The following CEP112 variants were observed in gnomAD, a reference collection of about 807,000 sequenced individuals.
The protein encoded by CEP112 is centrosomal protein 112.
Under a neutral mutation model 153.0 loss-of-function variants are expected in CEP112, and 127 were observed. The ratio of observed to expected loss-of-function variants is 0.83; its 90% CI spans 0.72 to 0.96. CEP112 has a LOEUF of 0.96. CEP112 is among the 40% of genes least tolerant of loss of function. The pLI is 0.00. For missense variants in CEP112, 1,089 were observed against 1,101.2 expected (o/e 0.99, Z 0.16); for synonymous variants, 358 against 374.4 (o/e 0.96, Z 0.51).
intron 16 of CEP112, among the ~76,000 whole-genome samples, chr17:66,013,037 T>C (rs1345959154): frequency 3.3e-5 from 5 of 152,254 alleles, no homozygotes; most frequent in African/African-American, 1.2e-4. Flanking sequence ...GATTGTATTC[T>C]GAAATTCGTG....
chr17:65,980,656 T>A (rs11870588), intron 17 of CEP112, among the ~76,000 whole-genome samples: 5,893 of 152,300 alleles, frequency 0.039, 162 homozygotes, highest in South Asian at 0.11. Context: ...CAATGTCACT[T>A]TGATCATATA....
At chr17:66,117,508 T>C (rs2069357360) in intron 6 of CEP112, among the ~76,000 whole-genome samples, 1 of 152,212 alleles carries the variant, frequency 6.6e-6, no homozygotes, top group African/African-American at 2.4e-5. Context: ...AAATTCCCTC[T>C]ATGCCTCTGT....
chr17:66,180,420 T>C lies in CEP112; in HGVS notation c.106+2774A>G, dbSNP rs527760847. Among the ~76,000 whole-genome samples, 14 of 152,286 alleles carry C rather than the reference T, an allele frequency of 9.2e-5. No homozygotes were observed. In the South Asian group the frequency reaches 1.2e-3, roughly 14 times the overall value. On this transcript the variant is annotated intron_variant, in intron 2 of 26. Coordinates refer to ENST00000535342, the MANE Select transcript of CEP112 (RefSeq NM_001199165.4). ...AATTTTAGATATATTGAAAAATCTT[T>C]CTATAATTTTAATTATGTAAACCTT...
At chr17:66,046,130 C>T (rs1389363403) in intron 12 of CEP112, among the ~76,000 whole-genome samples, 1 of 152,032 alleles carries the variant, frequency 6.6e-6, no homozygotes, top group Admixed American at 6.6e-5. Flanking sequence ...GCAAGCTCCG[C>T]CTCCTGGGTT....
At chr17:65,867,407 T>C (rs2058522499) in intron 20 of CEP112, among the ~76,000 whole-genome samples, 1 of 152,238 alleles carries the variant, frequency 6.6e-6, no homozygotes, top group African/African-American at 2.4e-5. Context: ...CCACAGAGGT[T>C]TCTGGCTGGT....
chr17:65,849,972 G>A (rs1458489206), intron 21 of CEP112, among the ~76,000 whole-genome samples: 1 of 151,866 alleles, frequency 6.6e-6, no homozygotes, highest in African/African-American at 2.4e-5. Flanking sequence ...TGGCCAACAT[G>A]GTAAAACCCC....
intron 4 of CEP112, among the ~76,000 whole-genome samples, chr17:66,135,309 G>A (rs184678824): frequency 1.3e-5 from 2 of 152,238 alleles, no homozygotes; most frequent in Admixed American, 6.5e-5. Flanking sequence ...TTCATTTTCT[G>A]CCATAAGACT....
intron 18 of CEP112, among the ~76,000 whole-genome samples, chr17:65,929,454 G>A (rs1599046342): frequency 1.3e-5 from 2 of 152,166 alleles, no homozygotes; most frequent in African/African-American, 4.8e-5. Context: ...TCAAAGTATT[G>A]AGGCTTTGTT....
chr17:66,006,418 C>T (rs2145452075), intron 16 of CEP112, among the ~76,000 whole-genome samples: 1 of 152,110 alleles, frequency 6.6e-6, no homozygotes. Flanking sequence ...CCAGCCTGAC[C>T]AACATGATGA....
intron 16 of CEP112, among the ~76,000 whole-genome samples, chr17:66,007,108 A>G (rs1266049114): frequency 6.6e-6 from 1 of 152,244 alleles, no homozygotes; most frequent in African/African-American, 2.4e-5. Flanking sequence ...ATAAATTAAT[A>G]AAATCAATGT....
In CEP112 at chr17:65,798,606, C is replaced by T. The variant is rs148548271; in HGVS notation, c.2395-47882G>A. 3.3e-3 allele frequency among the ~76,000 whole-genome samples: 510 copies of T among 152,338 alleles called. 2 individuals are homozygous for T. The highest frequency in any genetic ancestry group is 0.012 in the African/African-American group (499 of 41,586). On this transcript the variant is annotated intron_variant, in intron 21 of 26. Transcript: ENST00000535342. ...TCATTTAGATTTGCACATCACCTTG[C>T]TTGCATTCTAAACCAGCCTGATGAC...
chr17:65,947,281 C>G (rs199674186), intron 18 of CEP112, among the ~76,000 whole-genome samples: 1 of 151,786 alleles, frequency 6.6e-6, no homozygotes, highest in Non-Finnish European at 1.5e-5. Context: ...GTCTATCACA[C>G]AAGCCACAAA....
At chr17:66,136,783 C>T (rs1006816598) in intron 4 of CEP112, among the ~76,000 whole-genome samples, 3 of 152,078 alleles carry the variant, frequency 2.0e-5, no homozygotes, top group African/African-American at 4.8e-5. Context: ...AAAACAGAAA[C>T]CAGAAAATCC....
chr17:65,747,693 G>A (rs2051558910), intron 22 of CEP112, among the ~76,000 whole-genome samples: 1 of 152,096 alleles, frequency 6.6e-6, no homozygotes, highest in Non-Finnish European at 1.5e-5. Flanking sequence ...TGATATTTGG[G>A]GGCGTGCCCA....
intron 21 of CEP112, among the ~76,000 whole-genome samples, chr17:65,850,939 C>A (rs1473794996): frequency 1.3e-5 from 2 of 152,106 alleles, no homozygotes; most frequent in African/African-American, 4.8e-5. Context: ...ATCTGACTTT[C>A]AAATTAATTA....
chr17:66,033,140 C>G (rs1568408559), intron 12 of CEP112, among the ~76,000 whole-genome samples: 1 of 152,146 alleles, frequency 6.6e-6, no homozygotes, highest in Non-Finnish European at 1.5e-5. Context: ...CAAGTAAAAA[C>G]TGTAAGAGCA....
At chr17:66,086,747 GA>G (rs923094637) in intron 8 of CEP112, among the ~76,000 whole-genome samples, 3 of 148,346 alleles carry the variant, frequency 2.0e-5, no homozygotes, top group African/African-American at 4.9e-5. Context: ...ATAGAGAAAA[GA>G]AAAAAAAACG....
intron 24 of CEP112, among the ~76,000 whole-genome samples, chr17:65,643,058 C>T (rs1188400693): frequency 1.3e-5 from 2 of 152,098 alleles, no homozygotes; most frequent in African/African-American, 4.8e-5. Flanking sequence ...ATTCCCTGCC[C>T]ACTGGCCATT....
intron 16 of CEP112, among the ~76,000 whole-genome samples, chr17:66,012,499 T>G (rs1481212154): frequency 6.6e-6 from 1 of 152,188 alleles, no homozygotes; most frequent in Non-Finnish European, 1.5e-5. Context: ...CTTAGTTTGC[T>G]GGGACATAAA....
Sources: allele counts gnomAD v4.1 joint callset (sites outside exome capture counted in the v4.1 genomes callset), GRCh38; gene constraint gnomAD v4.1.1; transcripts MANE v1.5; gene names NCBI Gene and HGNC (gene_info 2026-07-23, HGNC 2026-07-21).